Variants in SCN9A observed in about 807,000 individuals in gnomAD.
SCN9A encodes sodium voltage-gated channel alpha subunit 9.
In SCN9A, 131 loss-of-function variants were observed where a neutral mutation model predicts 187.0. That is an observed-to-expected ratio of 0.70 (90% CI 0.61 to 0.81). SCN9A has a LOEUF of 0.81. Among genes scored for constraint, SCN9A ranks in the 30% least tolerant of loss-of-function variants. The pLI is 0.00. For synonymous variants in SCN9A, 809 were observed against 808.6 expected (o/e 1.00, Z -0.01); for missense variants, 2,252 against 2,396.6 (o/e 0.94, Z 1.26).
chr2:166,353,041 T>C (rs921985848), intron 1 of SCN9A, among the ~76,000 whole-genome samples: 1 of 150,880 alleles, frequency 6.6e-6, no homozygotes, highest in African/African-American at 2.4e-5. Flanking sequence ...TATTAAAACA[T>C]CACAAATTTC....
intron 1 of SCN9A, among the ~76,000 whole-genome samples, chr2:166,351,032 C>T (rs1293876212): frequency 6.6e-6 from 1 of 151,996 alleles, no homozygotes; most frequent in East Asian, 1.9e-4. Context: ...TATATATAAG[C>T]ACAGACGCAC....
chr2:166,293,450 CT>C, intron 8 of SCN9A, 78 bp from the exon 9 acceptor site: 1 of 1,268,578 alleles, frequency 7.9e-7, no homozygotes, highest in South Asian at 1.8e-5. Flanking sequence ...AAGTTACAAA[CT>C]CAAGGTTTCT....
chr2:166,308,414 G>C (rs1037807551), intron 2 of SCN9A, among the ~76,000 whole-genome samples: 5 of 152,080 alleles, frequency 3.3e-5, no homozygotes, highest in African/African-American at 1.2e-4. Flanking sequence ...GAGTGAGTGA[G>C]TTCTCATGAG....
At chr2:166,306,860 T>G in intron 3 of SCN9A, 96 bp downstream of exon 3, 1 of 689,482 alleles carries the variant, frequency 1.5e-6, no homozygotes. Context: ...AACCAGAGTC[T>G]TTCAAGGTGC....
chr2:166,298,282 G>A (rs540070519), intron 7 of SCN9A, among the ~76,000 whole-genome samples: 3 of 152,164 alleles, frequency 2.0e-5, no homozygotes, highest in Non-Finnish European at 4.4e-5. Context: ...AGAAAAACAG[G>A]AGGAAGAGAA....
chr2:166,204,053 G>T lies in SCN9A; in HGVS notation c.4676C>A (p.Thr1559Asn). 3 of 1,611,278 alleles carry T rather than the reference G, an allele frequency of 1.9e-6. No homozygotes were observed. The highest frequency in any genetic ancestry group is 2.5e-6 in the Non-Finnish European group (3 of 1,177,970). The change falls in exon 26 of 27, where the codon ACT becomes AAT. Residue 1559 changes from threonine (T) to asparagine (N), a missense_variant. Thr to Asn is a moderately conservative substitution (Grantham distance 65). This residue lies in a region of SCN9A where 368 missense variants were observed against 408.6 expected (regional missense o/e 0.90). Transcript: ENST00000642356. ...GATCAGTTTTAGCACACATTCTCCAGTGAAAAGGATTATAAAAACCACATT... is the reference window on the plus strand; with the variant it reads ...GATCAGTTTTAGCACACATTCTCCATTGAAAAGGATTATAAAAACCACATT... Reference protein sequence around the residue: ...WINVVFIILFTGECVLKLISL... With the variant: ...WINVVFIILFNGECVLKLISL...
intron 1 of SCN9A, among the ~76,000 whole-genome samples, chr2:166,322,622 T>C (rs1699272111): frequency 6.6e-6 from 1 of 152,186 alleles, no homozygotes; most frequent in East Asian, 1.9e-4. Flanking sequence ...CATCCTTCTA[T>C]TTTAATTCCT....
At chr2:166,219,089 G>A (rs1694468016) in intron 24 of SCN9A, among the ~76,000 whole-genome samples, 1 of 152,100 alleles carries the variant, frequency 6.6e-6, no homozygotes, top group Non-Finnish European at 1.5e-5. Context: ...AGGGTGTGGA[G>A]AAAAAAAGAA....
intron 1 of SCN9A, among the ~76,000 whole-genome samples, chr2:166,339,179 A>C (rs1390767826): frequency 1.3e-5 from 2 of 152,130 alleles, no homozygotes; most frequent in Admixed American, 1.3e-4. Context: ...AAGCCTGCCC[A>C]TCAGGAACAC....
rs1697321750 is a variant in SCN9A at position 166,278,183 on chromosome 2, A to G, written c.2474T>C (p.Leu825Pro). The G allele has an allele frequency of 6.2e-7, 1 of 1,613,102 alleles. No individual in the cohort carries two copies. Among genetic ancestry groups the G allele is most frequent in the African/African-American group, 1.3e-5 (1 of 74,880 alleles). ...IVTLSLVELF[L>P]ADVEGLSVLR... ...AACTGACAATCCTTCCACATCTGCT[A>G]GAAAGAGCTCCACTAAACTTAAAGT... Residue 825 changes from leucine to proline, a missense_variant, in exon 15 of 27, where the codon CTA (leucine) becomes CCA (proline). By Grantham distance (98) the Leu-to-Pro change is moderately conservative. This residue lies in a region of SCN9A where 1,013 missense variants were observed against 997.4 expected (regional missense o/e 1.02). Transcript: ENST00000642356.
At chr2:166,373,119 G>A (rs1015384604) in intron 1 of SCN9A, among the ~76,000 whole-genome samples, 6 of 152,198 alleles carry the variant, frequency 3.9e-5, no homozygotes, top group Non-Finnish European at 8.8e-5. Flanking sequence ...GCCTTAAAGA[G>A]TGCTATTGTT....
At chr2:166,321,106 A>C (rs945573197) in intron 1 of SCN9A, among the ~76,000 whole-genome samples, 34 of 152,238 alleles carry the variant, frequency 2.2e-4, no homozygotes, top group African/African-American at 7.7e-4. Context: ...TCAAAAGGAG[A>C]GAAAAAATTC....
At chr2:166,270,060 G>A (rs1176504990) in intron 17 of SCN9A, among the ~76,000 whole-genome samples, 1 of 152,040 alleles carries the variant, frequency 6.6e-6, no homozygotes, top group African/African-American at 2.4e-5. Context: ...ACTTTAAGCT[G>A]AAATGAACAC....
At chr2:166,323,926 T>C (rs1699303134) in intron 1 of SCN9A, among the ~76,000 whole-genome samples, 1 of 151,624 alleles carries the variant, frequency 6.6e-6, no homozygotes, top group Non-Finnish European at 1.5e-5. Context: ...TACTTGTTTG[T>C]TTCTTTAATC....
At chr2:166,340,221 C>G (rs1393577161) in intron 1 of SCN9A, among the ~76,000 whole-genome samples, 1 of 152,114 alleles carries the variant, frequency 6.6e-6, no homozygotes, top group African/African-American at 2.4e-5. Flanking sequence ...GAAATATAAT[C>G]TATAATTTAT....
At chr2:166,240,420 T>G (rs927099554) in intron 19 of SCN9A, among the ~76,000 whole-genome samples, 11 of 152,206 alleles carry the variant, frequency 7.2e-5, no homozygotes, top group African/African-American at 2.7e-4. Flanking sequence ...TCTTTCCCTT[T>G]TCTTCCTCAT....
chr2:166,302,222 C>G (rs1698585095), intron 7 of SCN9A: 1 of 151,850 alleles, frequency 6.6e-6, no homozygotes, highest in Non-Finnish European at 1.5e-5. Flanking sequence ...TAGATACATT[C>G]CAGGTGTCAG....
At chr2:166,238,376 A>G (rs906745854) in intron 19 of SCN9A, 109 bp from the exon 20 acceptor site, 6 of 737,108 alleles carry the variant, frequency 8.1e-6, no homozygotes, top group South Asian at 2.1e-5. Flanking sequence ...GAAACATAAT[A>G]TTGACATGGG....
intron 17 of SCN9A, among the ~76,000 whole-genome samples, chr2:166,266,899 T>C (rs897930822): frequency 2.0e-5 from 3 of 152,136 alleles, no homozygotes; most frequent in African/African-American, 7.2e-5. Context: ...TGCATGTTGA[T>C]TTTGTGTCCT....
Sources: gnomAD v4.1 joint callset for allele counts (sites outside exome capture counted in the v4.1 genomes callset) on GRCh38, gnomAD v4.1.1 for gene constraint, gnomAD v4.1.1 regional missense constraint, MANE v1.5 for transcripts, NCBI Gene and HGNC (gene_info 2026-07-23, HGNC 2026-07-21) for gene names.